Variants in RPS6KC1 observed in about 807,000 individuals in gnomAD.
RPS6KC1 encodes the protein inactive ribosomal protein S6 kinase delta-1.
Under a neutral mutation model 103.8 loss-of-function variants are expected in RPS6KC1, and 54 were observed. The ratio of observed to expected loss-of-function variants is 0.52; its 90% CI spans 0.42 to 0.65. RPS6KC1 has a LOEUF of 0.65. Ranked by LOEUF, RPS6KC1 falls within the 30% of genes least tolerant of loss-of-function variation. The pLI, the probability that RPS6KC1 is intolerant of heterozygous loss-of-function variation, is 0.00. For missense variants in RPS6KC1, 1,151 were observed against 1,253.8 expected (o/e 0.92, Z 1.24); for synonymous variants, 439 against 438.7 (o/e 1.00, Z -0.01).
the RPS6KC1 span, among the ~76,000 whole-genome samples, chr1:213,669,067 TC>T: frequency 6.6e-6 from 1 of 152,234 alleles, no homozygotes; most frequent in South Asian, 2.1e-4. Context: ...TGTTTTGCTT[TC>T]TTATCATTCA....
At chr1:213,227,965 A>T (rs1462534994) in intron 8 of RPS6KC1, among the ~76,000 whole-genome samples, 2 of 152,164 alleles carry the variant, frequency 1.3e-5, no homozygotes, top group Non-Finnish European at 1.5e-5. Flanking sequence ...CCAGTAACAT[A>T]ACACGTTCAC....
At chr1:213,708,480 G>A in the RPS6KC1 span, among the ~76,000 whole-genome samples, 1 of 151,728 alleles carries the variant, frequency 6.6e-6, no homozygotes, top group East Asian at 1.9e-4. Flanking sequence ...TGTCTTATCA[G>A]AGCCTAGGAT....
chr1:213,191,300 T>G (rs993364045), intron 8 of RPS6KC1, among the ~76,000 whole-genome samples: 1 of 152,218 alleles, frequency 6.6e-6, no homozygotes, highest in Non-Finnish European at 1.5e-5. Flanking sequence ...CCTTTTTTTG[T>G]GTGTCTTCAA....
the RPS6KC1 span, among the ~76,000 whole-genome samples, chr1:213,380,875 G>T: frequency 1.3e-5 from 2 of 152,068 alleles, no homozygotes; most frequent in Non-Finnish European, 2.9e-5. Context: ...TCCTGTTCTA[G>T]TCCCCTTCTG....
At chr1:213,347,972 A>C in the RPS6KC1 span, among the ~76,000 whole-genome samples, 1 of 152,090 alleles carries the variant, frequency 6.6e-6, no homozygotes, top group Non-Finnish European at 1.5e-5. Flanking sequence ...TGAGGTGAGA[A>C]TGTGATTGGC....
intron 3 of RPS6KC1, among the ~76,000 whole-genome samples, chr1:213,080,167 C>A (rs990521371): frequency 6.6e-6 from 1 of 152,146 alleles, no homozygotes; most frequent in Non-Finnish European, 1.5e-5. Context: ...ATCTGGCCTC[C>A]TTGGCCTCCC....
At chr1:213,564,417 G>A in the RPS6KC1 span, among the ~76,000 whole-genome samples, 1 of 152,164 alleles carries the variant, frequency 6.6e-6, no homozygotes, top group Non-Finnish European at 1.5e-5. Context: ...GCACAAGAGG[G>A]ACACTGAAAG....
intron 1 of RPS6KC1, among the ~76,000 whole-genome samples, chr1:213,066,427 A>G (rs1165909295): frequency 6.6e-6 from 1 of 152,204 alleles, no homozygotes; most frequent in African/African-American, 2.4e-5. Context: ...ACTGTGAAGT[A>G]TTTGGTGGGT....
chr1:213,640,918 C>A, the RPS6KC1 span, among the ~76,000 whole-genome samples: 2 of 151,808 alleles, frequency 1.3e-5, no homozygotes, highest in Non-Finnish European at 2.9e-5. Context: ...TCTTCATTAT[C>A]CTTGCTGTTT....
At chr1:213,060,489 C>T (rs1441411643) in intron 1 of RPS6KC1, among the ~76,000 whole-genome samples, 1 of 152,124 alleles carries the variant, frequency 6.6e-6, no homozygotes. Flanking sequence ...TTTCTAGAGT[C>T]TAGTTTTATT....
At chr1:213,419,139 G>A in the RPS6KC1 span, among the ~76,000 whole-genome samples, 1 of 152,212 alleles carries the variant, frequency 6.6e-6, no homozygotes, top group African/African-American at 2.4e-5. Flanking sequence ...TACTTTGGCT[G>A]TTAAGTAAAC....
At chr1:213,709,334 G>A in the RPS6KC1 span, among the ~76,000 whole-genome samples, 36 of 152,312 alleles carry the variant, frequency 2.4e-4, no homozygotes, top group African/African-American at 6.7e-4. Context: ...TAGTTCAGTT[G>A]CATAGAGGTG....
the RPS6KC1 span, among the ~76,000 whole-genome samples, chr1:213,489,807 A>G: frequency 6.6e-6 from 1 of 152,208 alleles, no homozygotes; most frequent in Non-Finnish European, 1.5e-5. Flanking sequence ...TGAGGCTAAT[A>G]TGTTCAATGG....
the RPS6KC1 span, among the ~76,000 whole-genome samples, chr1:213,451,564 G>A: frequency 6.6e-6 from 1 of 152,214 alleles, no homozygotes; most frequent in Admixed American, 6.5e-5. Flanking sequence ...TGTGGGGGAG[G>A]TCGCGTGGCT....
the RPS6KC1 span, among the ~76,000 whole-genome samples, chr1:213,806,068 C>A: frequency 9.4e-4 from 143 of 152,324 alleles, no homozygotes; most frequent in Admixed American, 4.6e-3. Context: ...CATGGCGGCT[C>A]ATGCCTGTAA....
the RPS6KC1 span, among the ~76,000 whole-genome samples, chr1:213,702,501 C>T: frequency 6.6e-6 from 1 of 151,916 alleles, no homozygotes; most frequent in Non-Finnish European, 1.5e-5. Context: ...CTGTCCAATT[C>T]TGAAAATGGG....
At chr1:213,674,353 T>A in the RPS6KC1 span, among the ~76,000 whole-genome samples, 1 of 152,318 alleles carries the variant, frequency 6.6e-6, no homozygotes, top group South Asian at 2.1e-4. Context: ...ACCCAATGTT[T>A]AGCTCCCACT....
the RPS6KC1 span, among the ~76,000 whole-genome samples, chr1:213,701,808 T>G: frequency 1.3e-4 from 20 of 152,064 alleles, no homozygotes; most frequent in Non-Finnish European, 2.2e-4. Flanking sequence ...TCACTTTTTT[T>G]TTCTTGGTAA....
At chr1:213,450,906 C>T in the RPS6KC1 span, among the ~76,000 whole-genome samples, 3 of 151,608 alleles carry the variant, frequency 2.0e-5, no homozygotes, top group African/African-American at 4.9e-5. Flanking sequence ...CCCCGGGAGG[C>T]GGATGTTGCA....
Sources: gnomAD v4.1 joint callset for allele counts (sites outside exome capture counted in the v4.1 genomes callset) on GRCh38, gnomAD v4.1.1 for gene constraint, MANE v1.5 for transcripts, NCBI Gene and HGNC (gene_info 2026-07-23, HGNC 2026-07-21) for gene names.